Variants in IPO8 observed in about 807,000 individuals in gnomAD.
IPO8 encodes the protein importin 8, also known as importin-8.
Under a neutral mutation model 141.2 loss-of-function variants are expected in IPO8, and 65 were observed. The observed-to-expected ratio is 0.46, with a 90% CI of 0.38 to 0.57. The LOEUF is 0.57. Among genes scored for constraint, IPO8 ranks in the 20% least tolerant of loss-of-function variants. IPO8 has a pLI of 0.00. For missense variants in IPO8, 980 were observed against 1,246.8 expected (o/e 0.79, Z 3.22); for synonymous variants, 411 against 420.3 (o/e 0.98, Z 0.27).
intron 5 of IPO8, among the ~76,000 whole-genome samples, chr12:30,678,932 T>G (rs970951360): frequency 6.6e-6 from 1 of 152,162 alleles, no homozygotes; most frequent in Non-Finnish European, 1.5e-5. Context: ...CTCCGCCTCC[T>G]GGGTTTGAGC....
intron 8 of IPO8, 33 bp from the exon 9 acceptor site, chr12:30,671,129 A>G (rs760641827): frequency 4.3e-5 from 63 of 1,463,392 alleles, no homozygotes; most frequent in Non-Finnish European, 5.0e-5. Flanking sequence ...GACTAACATA[A>G]ACAATTATAA....
At chr12:30,678,810 AT>A (rs1171444948) in intron 5 of IPO8, among the ~76,000 whole-genome samples, 1 of 152,162 alleles carries the variant, frequency 6.6e-6, no homozygotes, top group East Asian at 1.9e-4. Flanking sequence ...CTGTACAAAT[AT>A]TATGCTACTT....
At position 30,662,330 on chromosome 12, in the gene IPO8, G is replaced by C; in HGVS notation, c.1752C>G (p.His584Gln). 6.2e-7 allele frequency: 1 copy of C among 1,612,476 alleles called. No individual in the cohort carries two copies. The highest frequency in any genetic ancestry group is 8.5e-7 in the Non-Finnish European group (1 of 1,179,060). ...ACATAAAACTGCCCGGTCTTACCAA[G>C]TGTTGGGTCATATCAACAGCAATTG... ...VASIAVDMTQHLAEIFGKVLQ... is the reference protein window; with the variant it reads ...VASIAVDMTQQLAEIFGKVLQ... Residue 584 changes from histidine to glutamine, a missense_variant, in exon 15 of 25, where the codon CAC becomes CAG. Physicochemically the swap from His to Gln is conservative, Grantham distance 24 (BLOSUM62 0). Coordinates refer to ENST00000256079, the MANE Select transcript of IPO8 (RefSeq NM_006390.4).
intron 19 of IPO8, among the ~76,000 whole-genome samples, chr12:30,650,511 A>C (rs2052711661): frequency 6.6e-6 from 1 of 152,078 alleles, no homozygotes; most frequent in African/African-American, 2.4e-5. Context: ...TAGCTTCTAA[A>C]TGTGAATGGA....
At chr12:30,672,340 C>T (rs2053063296) in intron 8 of IPO8, among the ~76,000 whole-genome samples, 1 of 152,118 alleles carries the variant, frequency 6.6e-6, no homozygotes, top group African/African-American at 2.4e-5. Flanking sequence ...TGTAGAAACC[C>T]CTTCTGTGAT....
In IPO8 at chr12:30,655,072, G is replaced by A. The variant is rs542581637; in HGVS notation, c.1948+1612C>T. 4.6e-5 allele frequency among the ~76,000 whole-genome samples: 7 copies of A among 152,142 alleles called. No individual in the cohort carries two copies. The East Asian group carries it at 1.4e-3, about 29-fold the overall frequency. On this transcript the variant is annotated intron_variant, in intron 17 of 24. Transcript: ENST00000256079. The stretch of plus-strand genomic sequence containing the variant: ...GTAACAACAGAGATGGACACACTAT[G>A]TTAAGTGAAATAAGCCAAAACAGAA...
chr12:30,648,101 CAT>C (rs1446763679), intron 20 of IPO8, among the ~76,000 whole-genome samples: 1 of 152,138 alleles, frequency 6.6e-6, no homozygotes, highest in Non-Finnish European at 1.5e-5. Context: ...GAAATGAAAA[CAT>C]ATTCACACAA....
intron 21 of IPO8, among the ~76,000 whole-genome samples, chr12:30,637,906 T>TAAA (rs1269911015): frequency 3.3e-5 from 5 of 152,228 alleles, no homozygotes; most frequent in African/African-American, 1.2e-4. Context: ...TTCAATGTGT[T>TAAA]TAAAGTGCGA....
At chr12:30,656,195 C>G (rs1356955028) in intron 17 of IPO8, among the ~76,000 whole-genome samples, 1 of 152,144 alleles carries the variant, frequency 6.6e-6, no homozygotes. Context: ...TGCCACCACA[C>G]TCAGCTAATT....
In IPO8 at chr12:30,676,486, G is replaced by C; in HGVS notation, c.729+12C>G. 6.3e-7 allele frequency: 1 copy of C among 1,598,664 alleles called. No homozygotes were observed. The highest frequency in any genetic ancestry group is 8.6e-7 in the Non-Finnish European group (1 of 1,166,588). ...GTTTCCCCTATTTTTCTTGGGAAAA[G>C]CTTTTTCTTACAGGAGGAACGGTCC... On this transcript the variant is annotated intron_variant, in intron 6 of 24. Transcript: ENST00000256079.
In IPO8 at chr12:30,634,924, A is replaced by C. The variant is rs550608494; in HGVS notation, c.2696-638T>G. Among the ~76,000 whole-genome samples the C allele has an allele frequency of 5.9e-5, 9 of 152,278 alleles. No individual in the cohort carries two copies. In the South Asian group the frequency reaches 1.7e-3, roughly 28 times the overall value. The stretch of plus-strand genomic sequence containing the variant: ...ATAGCCAAGTTACAGAATCAACCTA[A>C]GTGTCCATCAACAACGGATGAATAA... On this transcript the variant is annotated intron_variant, in intron 22 of 24. Coordinates refer to ENST00000256079, the MANE Select transcript of IPO8 (RefSeq NM_006390.4).
intron 5 of IPO8, 197 bp downstream of exon 5, chr12:30,680,285 C>T: frequency 2.1e-6 from 1 of 467,970 alleles, no homozygotes; most frequent in South Asian, 3.7e-5. Context: ...GAGTGAAAAG[C>T]ACTTAGGGGC....
chr12:30,667,427 G>A (rs1226943399), intron 10 of IPO8, among the ~76,000 whole-genome samples: 1 of 152,216 alleles, frequency 6.6e-6, no homozygotes, highest in African/African-American at 2.4e-5. Flanking sequence ...ATTGGGGGAA[G>A]TGAGGAGATG....
At chr12:30,665,347 T>C in intron 12 of IPO8, 38 bp from the exon 13 acceptor site, 1 of 1,166,568 alleles carries the variant, frequency 8.6e-7, no homozygotes, top group East Asian at 2.3e-5. Context: ...AATTTCTTTT[T>C]CATACGTAAG....
chr12:30,658,129 T>C (rs1002425074), intron 16 of IPO8, among the ~76,000 whole-genome samples: 3 of 152,204 alleles, frequency 2.0e-5, no homozygotes, highest in Non-Finnish European at 2.9e-5. Flanking sequence ...CAACTTAAAC[T>C]ACTGTCTTAA....
chr12:30,669,232 A>G lies in IPO8; in HGVS notation c.1095T>C (p.Asp365=). The G allele has an allele frequency of 6.3e-7, 1 of 1,596,098 alleles. No individual in the cohort carries two copies. Among genetic ancestry groups the G allele is most frequent in the South Asian group, 1.1e-5 (1 of 89,948 alleles). The change falls in exon 10 of 25, where the codon GAT becomes GAC. Residue 365 remains aspartate (D), a synonymous_variant. Transcript: ENST00000256079. ...IFSVMCYKDE[D]EELWQEDPYE... ...ATGGATCTTCTTGCCACAGCTCTTCATCCTCATCTTTATAACACATCACAG... is the reference window on the plus strand; with the variant it reads ...ATGGATCTTCTTGCCACAGCTCTTCGTCCTCATCTTTATAACACATCACAG...
chr12:30,675,843 CAA>C (rs753913602), intron 6 of IPO8, among the ~76,000 whole-genome samples: 17 of 71,070 alleles, frequency 2.4e-4, no homozygotes, highest in Non-Finnish European at 2.4e-4. Flanking sequence ...GACTCTGTCT[CAA>C]AAAAAAAAAA....
chr12:30,654,037 AAAG>A, intron 17 of IPO8, among the ~76,000 whole-genome samples: 1 of 152,042 alleles, frequency 6.6e-6, no homozygotes, highest in Non-Finnish European at 1.5e-5. Flanking sequence ...ACAAAGCCCA[AAAG>A]TAAATCTACC....
intron 20 of IPO8, among the ~76,000 whole-genome samples, chr12:30,646,653 T>C (rs924118286): frequency 2.6e-5 from 4 of 151,960 alleles, no homozygotes; most frequent in African/African-American, 7.2e-5. Flanking sequence ...GGATACAAGA[T>C]AAACATGCAA....
Sources: gnomAD v4.1 joint callset for allele counts (sites outside exome capture counted in the v4.1 genomes callset) on GRCh38, gnomAD v4.1.1 for gene constraint, MANE v1.5 for transcripts, NCBI Gene and HGNC (gene_info 2026-07-23, HGNC 2026-07-21) for gene names.